CNTNAP2: variants seen among roughly 807,000 people sequenced by gnomAD.
CNTNAP2 encodes the protein contactin-associated protein-like 2.
CNTNAP2 carries 98 observed loss-of-function variants against 155.2 expected under a neutral mutation model. The observed-to-expected ratio is 0.63, with a 90% confidence interval of 0.54 to 0.75. The LOEUF (loss-of-function observed/expected upper bound fraction) is 0.75, where lower values mean the gene tolerates loss of function less well. Among genes scored for constraint, CNTNAP2 ranks in the 30% least tolerant of loss-of-function variants. CNTNAP2 has a pLI of 0.00. For synonymous variants in CNTNAP2, 651 were observed against 631.2 expected (o/e 1.03, Z -0.47); for missense variants, 1,727 against 1,688.1 (o/e 1.02, Z -0.40).
At chr7:147,719,001 G>GAGTT (rs1383968283) in intron 13 of CNTNAP2, among the ~76,000 whole-genome samples, 2 of 152,106 alleles carry the variant, frequency 1.3e-5, no homozygotes, top group Non-Finnish European at 2.9e-5. Context: ...TGTTAACAGG[G>GAGTT]AGTTCTTAGG....
Position 146,770,104 on chromosome 7 carries a change from G to T in CNTNAP2, c.98-4167G>T, listed in dbSNP as rs368534180. Among the ~76,000 whole-genome samples the T allele has an allele frequency of 2.6e-5, 4 of 152,118 alleles. No individual in the cohort carries two copies. In the East Asian group the frequency reaches 5.8e-4, roughly 22 times the overall value. On this transcript the variant is annotated intron_variant, in intron 1 of 23. Transcript: ENST00000361727. Reference sequence around the variant, plus strand: ...ACAACCCTACATTTCTAATTTATTTGTGGCTTTTTGTATTTGATTTTATTC... The same window carrying T: ...ACAACCCTACATTTCTAATTTATTTTTGGCTTTTTGTATTTGATTTTATTC...
At chr7:146,680,595 T>C (rs552641108) in intron 1 of CNTNAP2, among the ~76,000 whole-genome samples, 1 of 152,234 alleles carries the variant, frequency 6.6e-6, no homozygotes, top group Non-Finnish European at 1.5e-5. Flanking sequence ...AGTTCATTTA[T>C]GAAAAAATAC....
intron 1 of CNTNAP2, among the ~76,000 whole-genome samples, chr7:146,612,254 C>G (rs570073188): frequency 6.6e-6 from 1 of 152,084 alleles, no homozygotes; most frequent in Non-Finnish European, 1.5e-5. Context: ...AAATAGCATA[C>G]TCTCTCATAC....
intron 1 of CNTNAP2, among the ~76,000 whole-genome samples, chr7:146,291,564 C>T (rs1800429821): frequency 6.6e-6 from 1 of 152,142 alleles, no homozygotes; most frequent in African/African-American, 2.4e-5. Flanking sequence ...AAACAATTTG[C>T]TGCCCCATGT....
chr7:148,295,545 G>A (rs1797264701), intron 21 of CNTNAP2, among the ~76,000 whole-genome samples: 1 of 146,342 alleles, frequency 6.8e-6, no homozygotes, highest in African/African-American at 2.6e-5. Flanking sequence ...AGGCGGGAGT[G>A]CTGTGGCGCA....
chr7:146,532,748 C>T (rs1209355614), intron 1 of CNTNAP2, among the ~76,000 whole-genome samples: 1 of 151,970 alleles, frequency 6.6e-6, no homozygotes, highest in Non-Finnish European at 1.5e-5. Context: ...TTATCAGACA[C>T]TCCACCACCA....
intron 14 of CNTNAP2, among the ~76,000 whole-genome samples, chr7:147,917,722 G>A (rs1327592738): frequency 1.3e-5 from 2 of 152,118 alleles, no homozygotes; most frequent in Non-Finnish European, 1.5e-5. Flanking sequence ...TGAGCATTAA[G>A]GGGCAACTAA....
chr7:147,909,520 T>C (rs1385778756), intron 14 of CNTNAP2, among the ~76,000 whole-genome samples: 4 of 152,180 alleles, frequency 2.6e-5, no homozygotes, highest in Non-Finnish European at 4.4e-5. Flanking sequence ...AATAATTGCC[T>C]GATTATCTAT....
intron 3 of CNTNAP2, among the ~76,000 whole-genome samples, chr7:146,960,679 A>G (rs1004607913): frequency 6.6e-6 from 1 of 152,246 alleles, no homozygotes; most frequent in Non-Finnish European, 1.5e-5. Context: ...ATCACTGCAA[A>G]CAATAGACAA....
intron 15 of CNTNAP2, among the ~76,000 whole-genome samples, chr7:148,008,166 A>G (rs908531582): frequency 4.0e-5 from 6 of 151,686 alleles, no homozygotes; most frequent in Admixed American, 6.6e-5. Flanking sequence ...GTTCAAGACC[A>G]GCCTGGCCAA....
chr7:146,366,306 A>G (rs1795154726), intron 1 of CNTNAP2, among the ~76,000 whole-genome samples: 1 of 152,224 alleles, frequency 6.6e-6, no homozygotes, highest in Non-Finnish European at 1.5e-5. Flanking sequence ...AGAATTATAA[A>G]TTCATTTTGA....
intron 1 of CNTNAP2, among the ~76,000 whole-genome samples, chr7:146,743,357 C>A (rs542385484): frequency 4.6e-5 from 7 of 152,190 alleles, no homozygotes; most frequent in South Asian, 2.1e-4. Context: ...GTTATAGATG[C>A]CTTTTTTCCT....
chr7:146,631,042 G>T lies in CNTNAP2; in HGVS notation c.98-143229G>T, dbSNP rs188296243. On this transcript the variant is annotated intron_variant, in intron 1 of 23. Coordinates refer to ENST00000361727, the MANE Select transcript of CNTNAP2 (RefSeq NM_014141.6). The stretch of plus-strand genomic sequence containing the variant: ...CAAGCTACCATTGACTTTTTTCACA[G>T]AATTAGAAAAAAAACTACTTTAAAT... Among the ~76,000 whole-genome samples the T allele has an allele frequency of 1.4e-4, 21 of 151,740 alleles. 1 individual carries two copies. The highest frequency in any genetic ancestry group is 2.6e-4 in the Admixed American group (4 of 15,220).
intron 20 of CNTNAP2, among the ~76,000 whole-genome samples, chr7:148,252,513 A>G (rs1796380709): frequency 6.6e-6 from 1 of 152,168 alleles, no homozygotes; most frequent in Non-Finnish European, 1.5e-5. Context: ...GAAGCTCAGC[A>G]CTTCCTTTGG....
chr7:146,534,364 A>C (rs1306559039), intron 1 of CNTNAP2, among the ~76,000 whole-genome samples: 1 of 152,140 alleles, frequency 6.6e-6, no homozygotes, highest in Non-Finnish European at 1.5e-5. Flanking sequence ...CTTTAGGAAC[A>C]CCTGTCATGA....
chr7:146,836,715 G>A (rs1335658804), intron 2 of CNTNAP2, among the ~76,000 whole-genome samples: 3 of 152,018 alleles, frequency 2.0e-5, no homozygotes, highest in African/African-American at 7.2e-5. Flanking sequence ...AGCATTTTAA[G>A]CACTCATTTC....
chr7:147,681,704 G>T (rs1795949585), intron 13 of CNTNAP2, among the ~76,000 whole-genome samples: 1 of 151,854 alleles, frequency 6.6e-6, no homozygotes, highest in South Asian at 2.1e-4. Context: ...TGCTTCTATA[G>T]ATACAGTAGT....
At chr7:146,165,793 A>C (rs1457143773) in intron 1 of CNTNAP2, among the ~76,000 whole-genome samples, 3 of 152,172 alleles carry the variant, frequency 2.0e-5, no homozygotes, top group African/African-American at 7.2e-5. Flanking sequence ...ACAAAAATAA[A>C]ATATTTTCTT....
intron 1 of CNTNAP2, among the ~76,000 whole-genome samples, chr7:146,678,444 A>C (rs1800442994): frequency 1.3e-5 from 2 of 152,188 alleles, no homozygotes; most frequent in Admixed American, 1.3e-4. Flanking sequence ...AGCAAAATCA[A>C]GAGATATTCA....
Sources: gnomAD v4.1 joint callset for allele counts (sites outside exome capture counted in the v4.1 genomes callset) on GRCh38, gnomAD v4.1.1 for gene constraint, MANE v1.5 for transcripts, NCBI Gene and HGNC (gene_info 2026-07-23, HGNC 2026-07-21) for gene names.